The following ACOT7 variants were observed in gnomAD, a reference collection of about 807,000 sequenced individuals.
ACOT7 encodes the protein cytosolic acyl coenzyme A thioester hydrolase.
A neutral mutation model predicts 40.2 loss-of-function variants in ACOT7; 12 were observed. The observed-to-expected ratio is 0.30, with a 90% CI of 0.19 to 0.48. The LOEUF is 0.48. Ranked by LOEUF, ACOT7 falls within the 20% of genes least tolerant of loss-of-function variation. The pLI, the probability that ACOT7 is intolerant of heterozygous loss-of-function variation, is 0.99. For missense variants in ACOT7, 395 were observed against 530.8 expected (o/e 0.74, Z 2.51); for synonymous variants, 228 against 219.5 (o/e 1.04, Z -0.34).
intron 5 of ACOT7, among the ~76,000 whole-genome samples, chr1:6,323,716 C>CAAAAA (rs1171499592): frequency 1.4e-5 from 1 of 69,110 alleles, no homozygotes; most frequent in Non-Finnish European, 2.6e-5. Context: ...AGACTTGTCT[C>CAAAAA]AAAAAAAAAA....
chr1:6,360,585 C>A (rs1641866980), intron 1 of ACOT7: 1 of 1,614,084 alleles, frequency 6.2e-7, no homozygotes, highest in Non-Finnish European at 8.5e-7. Flanking sequence ...GGCCTTCTCC[C>A]CAAAACAGGC....
intron 1 of ACOT7, among the ~76,000 whole-genome samples, chr1:6,364,091 C>T (rs1307568656): frequency 1.3e-5 from 2 of 152,162 alleles, no homozygotes; most frequent in Non-Finnish European, 2.9e-5. Context: ...GTGACTCACA[C>T]CTGTAATCCC....
At chr1:6,353,666 T>C (rs1430295430) in intron 1 of ACOT7, among the ~76,000 whole-genome samples, 3 of 152,180 alleles carry the variant, frequency 2.0e-5, no homozygotes, top group African/African-American at 7.2e-5. Context: ...AATACATTTG[T>C]CTATCTCTAG....
intron 8 of ACOT7, among the ~76,000 whole-genome samples, chr1:6,280,547 G>A (rs1639325605): frequency 6.6e-6 from 1 of 152,194 alleles, no homozygotes; most frequent in South Asian, 2.1e-4. Flanking sequence ...TGCCCTGCAT[G>A]AGGAGGAGAA....
intron 1 of ACOT7, 109 bp downstream of exon 1, chr1:6,393,148 C>A: frequency 8.8e-7 from 1 of 1,139,010 alleles, no homozygotes; most frequent in Non-Finnish European, 1.1e-6. Context: ...GGGGAATCGG[C>A]GGGCGGGGGC....
At chr1:6,290,411 C>T (rs550903306) in intron 7 of ACOT7, among the ~76,000 whole-genome samples, 290 of 152,300 alleles carry the variant, frequency 1.9e-3, no homozygotes, top group Non-Finnish European at 3.3e-3. Context: ...GGGGTTTCCT[C>T]CCAGGGGGAC....
At chr1:6,381,632 T>G (rs1017717571) in intron 1 of ACOT7, among the ~76,000 whole-genome samples, 1 of 151,892 alleles carries the variant, frequency 6.6e-6, no homozygotes, top group Non-Finnish European at 1.5e-5. Flanking sequence ...TGGTCGTTTC[T>G]TTAAAGATTT....
At chr1:6,363,002 A>G (rs1322430002) in intron 1 of ACOT7, among the ~76,000 whole-genome samples, 3 of 152,200 alleles carry the variant, frequency 2.0e-5, no homozygotes, top group Non-Finnish European at 4.4e-5. Flanking sequence ...AAAATATATA[A>G]AACAGTAAGA....
chr1:6,286,457 C>A (rs1042310068), intron 7 of ACOT7, among the ~76,000 whole-genome samples: 38 of 152,134 alleles, frequency 2.5e-4, no homozygotes, highest in African/African-American at 8.4e-4. Flanking sequence ...GGCCCTGGAG[C>A]AAATACCTGT....
intron 1 of ACOT7, among the ~76,000 whole-genome samples, chr1:6,369,993 T>C (rs909967548): frequency 2.0e-5 from 3 of 152,194 alleles, no homozygotes; most frequent in Non-Finnish European, 4.4e-5. Context: ...TAACCTCATG[T>C]TGAAATTCAA....
chr1:6,275,185 G>C lies in ACOT7; in HGVS notation c.1014+5917C>G. Among the ~76,000 whole-genome samples, 1 of 152,178 alleles carries C rather than the reference G, an allele frequency of 6.6e-6. No individual in the cohort carries two copies. On this transcript the variant is annotated intron_variant, in intron 8 of 8. Transcript: ENST00000361521. The surrounding 1 kb of genome is among the most constrained non-coding windows in gnomAD (Gnocchi z 5.6). The stretch of plus-strand genomic sequence containing the variant: ...AGAGGAAGCCTCCCCTGCCCCTCCA[G>C]TCCCTTGCCCACCCAGGAGACAGGC...
Position 6,349,871 on chromosome 1 carries a change from G to T in ACOT7, c.144-5C>A, listed in dbSNP as rs767949225. 8 of 1,613,776 alleles carry T rather than the reference G, an allele frequency of 5.0e-6. No homozygotes were observed. The highest frequency in any genetic ancestry group is 6.8e-6 in the Non-Finnish European group (8 of 1,179,884). On this transcript the variant is annotated splice_polypyrimidine_tract_variant and splice_region_variant and intron_variant, in intron 1 of 8. Transcript: ENST00000361521. ...GCATCATCTGGCCGCATGATCCTAG[G>T]GCAGAGGAGAAGCAGGATGAGGCCT...
chr1:6,295,494 T>C (rs1440388909), intron 6 of ACOT7: 1 of 154,032 alleles, frequency 6.5e-6, no homozygotes, highest in Non-Finnish European at 1.4e-5. Context: ...CAACAGAAAC[T>C]TGTACAGAGC....
At position 6,358,730 on chromosome 1, in the gene ACOT7, G is replaced by A. The variant is rs1435249615; in HGVS notation, c.144-8864C>T. ...AGCCAGCCTGCTGGGCACAGGGGCCGAGTCCCCTCTACCCACCCTTCCCTT... is the reference window on the plus strand; with the variant it reads ...AGCCAGCCTGCTGGGCACAGGGGCCAAGTCCCCTCTACCCACCCTTCCCTT... On this transcript the variant is annotated intron_variant, in intron 1 of 8. Coordinates refer to ENST00000361521, the MANE Select transcript of ACOT7 (RefSeq NM_007274.4). This position sits in a 1 kb window ranked among gnomAD's most constrained non-coding sequence, Gnocchi z 4.1. The A allele has an allele frequency of 3.9e-6, 5 of 1,291,188 alleles. No homozygotes were observed. Among genetic ancestry groups the A allele is most frequent in the African/African-American group, 2.9e-5 (2 of 68,144 alleles). The allele number at this position is 1,291,188 out of a possible 1,614,324, so 80.0% of individuals were successfully genotyped here.
chr1:6,360,836 C>A, intron 1 of ACOT7: 1 of 1,283,814 alleles, frequency 7.8e-7, no homozygotes, highest in Non-Finnish European at 1.0e-6. Flanking sequence ...CCACCACCCA[C>A]CCCAAATCAG....
intron 1 of ACOT7, among the ~76,000 whole-genome samples, chr1:6,373,807 G>A (rs1642176947): frequency 6.6e-6 from 1 of 151,542 alleles, no homozygotes; most frequent in African/African-American, 2.4e-5. Context: ...AGAGGTTGCA[G>A]TGAGCCGAGA....
At chr1:6,364,785 T>C (rs1311224218) in intron 1 of ACOT7, among the ~76,000 whole-genome samples, 1 of 144,238 alleles carries the variant, frequency 6.9e-6, no homozygotes, top group Non-Finnish European at 1.5e-5. Context: ...GAGGCGGAGG[T>C]TGCAGTGAGC....
At chr1:6,273,784 G>C (rs942138155) in intron 8 of ACOT7, among the ~76,000 whole-genome samples, 1 of 152,268 alleles carries the variant, frequency 6.6e-6, no homozygotes, top group Non-Finnish European at 1.5e-5. Flanking sequence ...CAGAGGCTGC[G>C]CGCGGCCACC....
intron 1 of ACOT7, among the ~76,000 whole-genome samples, chr1:6,351,655 G>C (rs368132916): frequency 3.3e-5 from 5 of 152,194 alleles, no homozygotes; most frequent in African/African-American, 1.2e-4. Context: ...AGAGCAGTGA[G>C]GAAACATCAG....
Sources: gnomAD v4.1 joint callset for allele counts (sites outside exome capture counted in the v4.1 genomes callset) on GRCh38, gnomAD v4.1.1 for gene constraint, Gnocchi (gnomAD v3.1) non-coding constraint, MANE v1.5 for transcripts, NCBI Gene and HGNC (gene_info 2026-07-23, HGNC 2026-07-21) for gene names.